The following TENM4 variants were observed in gnomAD, a reference collection of about 807,000 sequenced individuals.
TENM4 encodes teneurin transmembrane protein 4.
In TENM4, 82 loss-of-function variants were observed where a neutral mutation model predicts 243.3. The observed-to-expected ratio is 0.34, with a 90% CI of 0.28 to 0.40. The LOEUF (loss-of-function observed/expected upper bound fraction) is 0.40, where lower values mean the gene tolerates loss of function less well. Ranked by LOEUF, TENM4 falls within the 10% of genes least tolerant of loss-of-function variation. The pLI, the probability that TENM4 is intolerant of heterozygous loss-of-function variation, is 1.00. For missense variants in TENM4, 3,138 were observed against 3,673.3 expected (o/e 0.85, Z 3.77); for synonymous variants, 1,412 against 1,456.3 (o/e 0.97, Z 0.69).
At chr11:79,295,422 C>T (rs898629336) in intron 2 of TENM4, among the ~76,000 whole-genome samples, 1 of 152,166 alleles carries the variant, frequency 6.6e-6, no homozygotes, top group African/African-American at 2.4e-5. Flanking sequence ...TGCTGAGAGC[C>T]TGCAGTAGTA....
At chr11:79,046,560 G>A (rs1859665257) in intron 6 of TENM4, among the ~76,000 whole-genome samples, 1 of 152,190 alleles carries the variant, frequency 6.6e-6, no homozygotes, top group African/African-American at 2.4e-5. Context: ...TCATAGCCGA[G>A]TAGGGTGGGA....
intron 16 of TENM4, among the ~76,000 whole-genome samples, chr11:78,779,684 G>A (rs938405068): frequency 2.6e-5 from 4 of 152,214 alleles, no homozygotes; most frequent in Admixed American, 2.0e-4. Context: ...TGCAAAGGCC[G>A]GGTAGCTGGG....
chr11:79,021,544 G>A (rs899343394), intron 6 of TENM4: 1 of 152,182 alleles, frequency 6.6e-6, no homozygotes, highest in Non-Finnish European at 1.5e-5. Context: ...TCAGTTATTT[G>A]TTGGGGGCTG....
At chr11:79,299,975 AAACAGG>A (rs1029585548) in intron 1 of TENM4, among the ~76,000 whole-genome samples, 1 of 152,186 alleles carries the variant, frequency 6.6e-6, no homozygotes, top group African/African-American at 2.4e-5. Flanking sequence ...AACTACGCAG[AAACAGG>A]AACACAAATG....
At chr11:78,677,559 G>C (rs1858511474) in intron 29 of TENM4, among the ~76,000 whole-genome samples, 1 of 151,766 alleles carries the variant, frequency 6.6e-6, no homozygotes, top group South Asian at 2.1e-4. Flanking sequence ...CTGGCAGGTT[G>C]AACATTTTTA....
At chr11:78,787,433 G>C (rs1856964505) in intron 15 of TENM4, among the ~76,000 whole-genome samples, 2 of 152,116 alleles carry the variant, frequency 1.3e-5, no homozygotes, top group Non-Finnish European at 2.9e-5. Flanking sequence ...CTTCCAAAGG[G>C]GACCGGCATT....
chr11:79,030,262 C>T (rs1344490925), intron 6 of TENM4, among the ~76,000 whole-genome samples: 1 of 151,978 alleles, frequency 6.6e-6, no homozygotes, highest in Admixed American at 6.6e-5. Flanking sequence ...TGATATTATC[C>T]TCATATATAT....
intron 1 of TENM4, among the ~76,000 whole-genome samples, chr11:79,422,652 G>A (rs900472262): frequency 6.6e-6 from 1 of 152,174 alleles, no homozygotes; most frequent in Non-Finnish European, 1.5e-5. Context: ...TAATTCAGAA[G>A]CACTAACATC....
chr11:79,307,305 G>A (rs558786190), intron 1 of TENM4, among the ~76,000 whole-genome samples: 13 of 152,166 alleles, frequency 8.5e-5, no homozygotes, highest in Middle Eastern at 3.4e-3. Context: ...AATCCTCACC[G>A]TTTCTCTCCA....
chr11:79,232,306 G>A (rs1230279147), intron 2 of TENM4, among the ~76,000 whole-genome samples: 3 of 152,150 alleles, frequency 2.0e-5, no homozygotes, highest in African/African-American at 4.8e-5. Context: ...CTAGCAGGAC[G>A]CATGAAGAAA....
chr11:78,706,247 T>C (rs1251431495), intron 27 of TENM4, among the ~76,000 whole-genome samples: 1 of 152,208 alleles, frequency 6.6e-6, no homozygotes, highest in Non-Finnish European at 1.5e-5. Flanking sequence ...CATAGAGTTA[T>C]TCTCTGTCGG....
intron 1 of TENM4, among the ~76,000 whole-genome samples, chr11:79,423,535 A>AT (rs67697266): frequency 0.079 from 8,958 of 113,668 alleles, 537 homozygotes; most frequent in East Asian, 0.12. Flanking sequence ...TTACAAGTGC[A>AT]TTTTTTTTTT....
intron 9 of TENM4, among the ~76,000 whole-genome samples, chr11:78,877,008 T>C (rs148146998): frequency 4.9e-4 from 75 of 152,300 alleles, no homozygotes; most frequent in African/African-American, 1.7e-3. Flanking sequence ...AAAACACCAC[T>C]TAGATACTAA....
chr11:79,299,676 G>C (rs1247762088), intron 1 of TENM4, among the ~76,000 whole-genome samples: 1 of 152,150 alleles, frequency 6.6e-6, no homozygotes, highest in Non-Finnish European at 1.5e-5. Flanking sequence ...AATAGAAAAG[G>C]CTGATAACCT....
At chr11:78,788,991 C>T (rs901816179) in intron 15 of TENM4, among the ~76,000 whole-genome samples, 2 of 152,100 alleles carry the variant, frequency 1.3e-5, no homozygotes, top group Non-Finnish European at 2.9e-5. Flanking sequence ...GGGTTATTCA[C>T]TTGTTTCTTT....
intron 3 of TENM4, among the ~76,000 whole-genome samples, chr11:79,154,243 G>A (rs1024894512): frequency 4.6e-5 from 7 of 152,018 alleles, no homozygotes; most frequent in South Asian, 2.1e-4. Flanking sequence ...TCCAATCATC[G>A]GGGAAGGAGA....
intron 4 of TENM4, among the ~76,000 whole-genome samples, chr11:79,098,223 C>A (rs572659125): frequency 2.5e-3 from 104 of 41,728 alleles, no homozygotes; most frequent in South Asian, 5.1e-3. Flanking sequence ...TCTCCCCCAC[C>A]CCCCCCCATC....
intron 1 of TENM4, among the ~76,000 whole-genome samples, chr11:79,319,170 C>T (rs372520691): frequency 6.6e-6 from 1 of 152,210 alleles, no homozygotes; most frequent in Non-Finnish European, 1.5e-5. Flanking sequence ...AGTCATAGAA[C>T]AGTAAGTGGC....
At chr11:78,687,897 G>C (rs1401882807) in intron 29 of TENM4, among the ~76,000 whole-genome samples, 157 bp downstream of exon 29, 2 of 152,136 alleles carry the variant, frequency 1.3e-5, no homozygotes, top group Non-Finnish European at 2.9e-5. Flanking sequence ...CTTGACTCAG[G>C]CTGGTATATT....
Sources: gnomAD v4.1 joint callset for allele counts (sites outside exome capture counted in the v4.1 genomes callset) on GRCh38, gnomAD v4.1.1 for gene constraint, MANE v1.5 for transcripts, NCBI Gene and HGNC (gene_info 2026-07-23, HGNC 2026-07-21) for gene names.